Variants in DNAJC6 observed in about 807,000 individuals in gnomAD.
DNAJC6 encodes the protein auxilin.
Under a neutral mutation model 110.0 loss-of-function variants are expected in DNAJC6, and 34 were observed. The observed-to-expected ratio is 0.31, with a 90% CI of 0.24 to 0.41. DNAJC6 has a LOEUF of 0.41. Ranked by LOEUF, DNAJC6 falls within the 10% of genes least tolerant of loss-of-function variation. DNAJC6 has a pLI of 1.00. For synonymous variants in DNAJC6, 406 were observed against 437.2 expected, an observed-to-expected ratio of 0.93 and a Z score of 0.89; for missense variants, 1,031 against 1,207.8, an observed-to-expected ratio of 0.85 and a Z score of 2.17.
At chr1:65,386,965 C>A (rs759089100) in intron 8 of DNAJC6, 36 bp downstream of exon 8, 44 of 1,524,988 alleles carry the variant, frequency 2.9e-5, no homozygotes, top group Non-Finnish European at 3.8e-5. Context: ...ATAAGTTCAT[C>A]TGAGTCTTCA....
chr1:65,349,139 T>C (rs1645467693), intron 1 of DNAJC6, among the ~76,000 whole-genome samples: 2 of 147,340 alleles, frequency 1.4e-5, no homozygotes, highest in African/African-American at 2.5e-5. Context: ...AATATATATG[T>C]AAATATATAT....
chr1:65,354,789 T>C (rs9436714), intron 1 of DNAJC6, among the ~76,000 whole-genome samples: 75 of 152,346 alleles, frequency 4.9e-4, no homozygotes, highest in African/African-American at 1.8e-3. Flanking sequence ...CCTTTTATTC[T>C]GTAAATAAAT....
chr1:65,352,500 T>G (rs960467376), intron 1 of DNAJC6, among the ~76,000 whole-genome samples: 1 of 152,204 alleles, frequency 6.6e-6, no homozygotes, highest in African/African-American at 2.4e-5. Context: ...CACAGTTCCC[T>G]TATCTGAAAA....
At chr1:65,285,956 C>G (rs978786687) in intron 1 of DNAJC6, among the ~76,000 whole-genome samples, 1 of 152,184 alleles carries the variant, frequency 6.6e-6, no homozygotes, top group African/African-American at 2.4e-5. Flanking sequence ...AAGGCATGAG[C>G]CACCATGCCC....
intron 1 of DNAJC6, among the ~76,000 whole-genome samples, chr1:65,273,697 A>T (rs1252414047): frequency 6.6e-6 from 1 of 152,134 alleles, no homozygotes; most frequent in Non-Finnish European, 1.5e-5. Context: ...TTAGTTTAAA[A>T]TATTTTATAC....
rs953695505 is a variant in DNAJC6, at chr1:65,414,696, G to C, written c.*1671G>C. 6.6e-6 allele frequency: 1 copy of C among 152,564 alleles called. No homozygotes were observed. Among genetic ancestry groups the C allele is most frequent in the Non-Finnish European group, 1.5e-5 (1 of 68,022 alleles). The allele number at this position is 152,564 out of a possible 1,614,324, so 9.5% of individuals were successfully genotyped here. A position where few individuals can be genotyped will look rare whatever the true frequency, so the allele number is the denominator to read the frequency against. ...CTTTTTAAATATACAGTCATAAACT[G>C]TTCAAGGTAACCATAACAAACTAGG... On this transcript the variant is annotated 3_prime_UTR_variant, in exon 19 of 19. Coordinates refer to ENST00000371069, the MANE Select transcript of DNAJC6 (RefSeq NM_001256864.2).
intron 1 of DNAJC6, among the ~76,000 whole-genome samples, chr1:65,335,317 C>T (rs113108966): frequency 0.22 from 33,063 of 150,572 alleles, 4,469 homozygotes; most frequent in Non-Finnish European, 0.32. Flanking sequence ...GGTTTCACCA[C>T]GTTAGCCATG....
At chr1:65,287,625 A>G (rs983365521) in intron 1 of DNAJC6, among the ~76,000 whole-genome samples, 1 of 152,142 alleles carries the variant, frequency 6.6e-6, no homozygotes. Flanking sequence ...TTTTTGAGGC[A>G]TGGTCTTAGC....
At chr1:65,371,521 T>C (rs1645705657) in intron 4 of DNAJC6, among the ~76,000 whole-genome samples, 1 of 152,188 alleles carries the variant, frequency 6.6e-6, no homozygotes, top group Admixed American at 6.5e-5. Context: ...ATTGACTGAA[T>C]TATCCCCATC....
intron 1 of DNAJC6, among the ~76,000 whole-genome samples, chr1:65,359,627 T>C (rs1645579377): frequency 2.0e-5 from 3 of 152,208 alleles, no homozygotes; most frequent in Admixed American, 2.0e-4. Flanking sequence ...CTGGGTGCCA[T>C]TTTAGCCAAA....
chr1:65,388,415 A>T lies in DNAJC6; in HGVS notation c.1193A>T (p.Lys398Met), dbSNP rs1423671552. The T allele has an allele frequency of 4.3e-6, 7 of 1,613,494 alleles. No individual in the cohort carries two copies. Residue 398 changes from lysine (K) to methionine (M), a missense_variant and splice_region_variant, in exon 9 of 19, where the codon AAG (lysine) becomes ATG (methionine). Transcript: ENST00000371069. ...PLDTTVLKFT[K>M]PELDACDVPE... ...GACACAACAGTTTTAAAGTTCACCA[A>T]GTAAGTACTGGTTGGGCCAAAAGTC...
chr1:65,313,943 G>A (rs1458989456), intron 1 of DNAJC6, among the ~76,000 whole-genome samples: 1 of 152,130 alleles, frequency 6.6e-6, no homozygotes, highest in African/African-American at 2.4e-5. Flanking sequence ...CCACTTTTCA[G>A]GGAAAGTAGA....
Position 65,386,681 on chromosome 1 carries a change from G to A in DNAJC6, c.996-131G>A, listed in dbSNP as rs1032420859. 25 of 738,172 alleles carry A rather than the reference G, an allele frequency of 3.4e-5. No homozygotes were observed. In the African/African-American group the frequency reaches 4.2e-4, roughly 13 times the overall value. The allele number at this position is 738,172 out of a possible 1,614,324, so 45.7% of individuals were successfully genotyped here. On this transcript the variant is annotated intron_variant, in intron 7 of 18. Coordinates refer to ENST00000371069, the MANE Select transcript of DNAJC6 (RefSeq NM_001256864.2). The stretch of plus-strand genomic sequence containing the variant: ...TGCACTCCTGTTTTTGCTCAAGATA[G>A]GAAATAGTTTCTGGGTCCGGGCCTG...
intron 1 of DNAJC6, among the ~76,000 whole-genome samples, chr1:65,275,225 A>G (rs986443631): frequency 6.6e-6 from 1 of 152,006 alleles, no homozygotes; most frequent in Non-Finnish European, 1.5e-5. Context: ...TTCCTTTTGC[A>G]TGAAAAAAAC....
rs1034705832 is a variant in DNAJC6, at chr1:65,279,167, G to A, written c.-131+14235G>A. 4 of 985,290 alleles carry A rather than the reference G, an allele frequency of 4.1e-6. No homozygotes were observed. In the African/African-American group the frequency reaches 5.2e-5, roughly 13 times the overall value. The allele number at this position is 985,290 out of a possible 1,614,324, so 61.0% of individuals were successfully genotyped here. Reference sequence around the variant, plus strand: ...AAAGCCATTTTTAGTTTGGTGCTGTGTGGTTTAAATTTAGAATAACATTTC... The same window carrying A: ...AAAGCCATTTTTAGTTTGGTGCTGTATGGTTTAAATTTAGAATAACATTTC... On this transcript the variant is annotated intron_variant, in intron 1 of 19. Coordinates refer to the DNAJC6 transcript ENST00000263441.
chr1:65,403,400 A>G lies in DNAJC6; in HGVS notation c.2227+1520A>G, dbSNP rs1487743361. On this transcript the variant is annotated intron_variant, in intron 15 of 18. Transcript: ENST00000371069. ...GATGTAGCTGAGTGTGGGAAGGGGT[A>G]TCAGTTCAGTTCATCCAGTCAATGG... Among the ~76,000 whole-genome samples, 4 of 152,206 alleles carry G rather than the reference A, an allele frequency of 2.6e-5. No homozygotes were observed. In the East Asian group the frequency reaches 7.7e-4, roughly 29 times the overall value.
chr1:65,415,506 G>C lies in DNAJC6; in HGVS notation c.*2481G>C, dbSNP rs1346271507. 1.3e-5 allele frequency: 2 copies of C among 150,090 alleles called. No homozygotes were observed. The highest frequency in any genetic ancestry group is 3.0e-5 in the Non-Finnish European group (2 of 67,666). The allele number at this position is 150,090 out of a possible 1,614,324, so 9.3% of individuals were successfully genotyped here. On this transcript the variant is annotated 3_prime_UTR_variant, in exon 19 of 19. Transcript: ENST00000371069. ...CACACATGCACGCACACATGATTTT[G>C]ATTATGCTACATGATATATGTTTCA... is the stretch of plus-strand genomic sequence containing the variant.
At chr1:65,381,312 C>A (rs934625977) in intron 5 of DNAJC6, among the ~76,000 whole-genome samples, 1 of 151,834 alleles carries the variant, frequency 6.6e-6, no homozygotes, top group South Asian at 2.1e-4. Flanking sequence ...CTTTGGGAGA[C>A]TGAGGCAGGT....
At position 65,392,613 on chromosome 1, in the gene DNAJC6, C is replaced by A. The variant is rs377495314; in HGVS notation, c.1651C>A (p.Pro551Thr). The A allele has an allele frequency of 3.4e-5, 55 of 1,613,982 alleles. No individual in the cohort carries two copies. The South Asian group carries it at 4.5e-4, about 13-fold the overall frequency. Residue 551 changes from proline (P) to threonine (T), a missense_variant, in exon 12 of 19, where the codon CCT becomes ACT. Transcript: ENST00000371069. ...GCAGGAGCCAGCAGCCCCTCCACCCCCTGAGGATGTGGACCTTTTGGGCCT... is the reference window on the plus strand; with the variant it reads ...GCAGGAGCCAGCAGCCCCTCCACCCACTGAGGATGTGGACCTTTTGGGCCT... ...KQQEPAAPPP[P>T]EDVDLLGLEG...
Sources: gnomAD v4.1 joint callset for allele counts (sites outside exome capture counted in the v4.1 genomes callset) on GRCh38, gnomAD v4.1.1 for gene constraint, MANE v1.5 for transcripts, NCBI Gene and HGNC (gene_info 2026-07-23, HGNC 2026-07-21) for gene names.